REXO5: variants seen among roughly 807,000 people sequenced by gnomAD.
REXO5 encodes the protein exonuclease NEF-sp.
REXO5 carries 48 observed loss-of-function variants against 88.5 expected under a neutral mutation model. The ratio of observed to expected loss-of-function variants is 0.54; its 90% CI spans 0.43 to 0.69. The LOEUF (loss-of-function observed/expected upper bound fraction) is 0.69. Among genes scored for constraint, REXO5 ranks in the 30% least tolerant of loss-of-function variants. The pLI is 0.00. For missense variants in REXO5, 749 were observed against 912.2 expected (o/e 0.82, Z 2.30); for synonymous variants, 311 against 336.5 (o/e 0.92, Z 0.83).
rs2081497205 is a variant in REXO5, at chr16:20,839,778, A to C, written c.1407A>C (p.Glu469Asp). ...NKEVLEQARV[E>D]IPLFPFSIVQ... is the part of the protein sequence containing the mutation. ...AGGTTCTTGAGCAGGCCAGAGTGGA[A>C]ATCCCCCTGTTTCCCTTCAGCATTG... is the stretch of plus-strand genomic sequence containing the variant. Residue 469 changes from glutamate to aspartate, a missense_variant, in exon 14 of 20, where the codon GAA becomes GAC. Glu to Asp is a conservative substitution (Grantham distance 45). Transcript: ENST00000261377. 1.9e-6 allele frequency: 3 copies of C among 1,613,788 alleles called. No individual in the cohort carries two copies. The highest frequency in any genetic ancestry group is 2.5e-6 in the Non-Finnish European group (3 of 1,179,836).
intron 5 of REXO5, among the ~76,000 whole-genome samples, chr16:20,818,083 T>C (rs1596574204): frequency 6.6e-6 from 1 of 152,228 alleles, no homozygotes; most frequent in African/African-American, 2.4e-5. Context: ...CCTTTGCTCC[T>C]ATAAATCTCT....
chr16:20,809,373 A>G (rs2152498979), intron 2 of REXO5, among the ~76,000 whole-genome samples: 1 of 152,330 alleles, frequency 6.6e-6, no homozygotes, highest in Non-Finnish European at 1.5e-5. Flanking sequence ...AATTTTCTGT[A>G]GTTGTTTGAA....
chr16:20,807,025 G>T lies in REXO5; in HGVS notation c.72G>T (p.Lys24Asn). ...GGGAAAGCAGGCAGGCCCCAAATAA[G>T]CTGGTCGGGGCAGCTGAGGCGATGA... ...KVRESRQAPN[K>N]LVGAAEAMKA... is the part of the protein sequence containing the mutation. The change falls in exon 2 of 20, where the codon AAG becomes AAT. Residue 24 changes from lysine to asparagine, a missense_variant. Lys to Asn is a moderately conservative substitution (Grantham distance 94). Transcript: ENST00000261377. 1 of 1,603,112 alleles carries T rather than the reference G, an allele frequency of 6.2e-7. No individual in the cohort carries two copies. The highest frequency in any genetic ancestry group is 8.5e-7 in the Non-Finnish European group (1 of 1,175,392).
chr16:20,815,131 C>T, intron 4 of REXO5, 78 bp downstream of exon 4: 2 of 1,460,472 alleles, frequency 1.4e-6, no homozygotes, highest in East Asian at 4.8e-5. Flanking sequence ...AGGGACCATG[C>T]TCCTTGGCAA....
chr16:20,844,581 G>A (rs545022443), intron 16 of REXO5, 48 bp from the exon 17 acceptor site: 3 of 1,548,364 alleles, frequency 1.9e-6, no homozygotes, highest in South Asian at 2.2e-5. Flanking sequence ...CAATAGGCCT[G>A]AGGATTAAAT....
chr16:20,841,657 T>G (rs537651914), intron 15 of REXO5, among the ~76,000 whole-genome samples: 1 of 152,302 alleles, frequency 6.6e-6, no homozygotes, highest in African/African-American at 2.4e-5. Flanking sequence ...CAGGCTGCAG[T>G]GCAGTGGTGC....
At chr16:20,825,789 TA>T in intron 7 of REXO5, 43 bp from the exon 8 acceptor site, 3 of 1,368,310 alleles carry the variant, frequency 2.2e-6, no homozygotes, top group South Asian at 1.2e-5. Context: ...GAAGAAGCAA[TA>T]ACTTCCACAG....
intron 15 of REXO5, 57 bp from the exon 16 acceptor site, chr16:20,843,877 C>T (rs1213255500): frequency 7.8e-7 from 1 of 1,278,066 alleles, no homozygotes; most frequent in East Asian, 2.4e-5. Context: ...TCCCCAACCC[C>T]TTCTTTAGCA....
intron 13 of REXO5, among the ~76,000 whole-genome samples, chr16:20,839,478 A>G (rs989596894): frequency 2.0e-5 from 3 of 151,910 alleles, no homozygotes; most frequent in East Asian, 1.9e-4. Context: ...TTATTTAATT[A>G]CAGGTCATTT....
intron 13 of REXO5, 54 bp from the exon 14 acceptor site, chr16:20,839,701 G>A: frequency 8.5e-7 from 1 of 1,183,366 alleles, no homozygotes; most frequent in Non-Finnish European, 1.2e-6. Context: ...ATATCCAGGA[G>A]CCACAATAGA....
At position 20,824,534 on chromosome 16, in the gene REXO5, AC is replaced by A. The variant is rs1257735295; in HGVS notation, c.705+8del. 1 of 1,570,022 alleles carries A rather than the reference AC, an allele frequency of 6.4e-7. No homozygotes were observed. The highest frequency in any genetic ancestry group is 1.4e-5 in the African/African-American group (1 of 74,028). ...TGGACTTGACTGTGAAATGGCACGT[AC>A]TACTTTTAATTTTTCAATTGGAGTG... On this transcript the variant is annotated splice_region_variant and intron_variant, in intron 7 of 19. Coordinates refer to ENST00000261377, the MANE Select transcript of REXO5 (RefSeq NM_030941.3).
rs543882383 is a variant in REXO5, at chr16:20,827,403, G to A, written c.1011G>A (p.Gln337=). 1.5e-5 allele frequency: 25 copies of A among 1,613,592 alleles called. No homozygotes were observed. In the African/African-American group the frequency reaches 1.9e-4, roughly 12 times the overall value. Residue 337 remains glutamine (Q), a synonymous_variant, in exon 10 of 20, where the codon CAG becomes CAA. Transcript: ENST00000261377. ...IDTSLLYVRE[Q]GRRFKLKFLA... ...CATCGTTGCTTTATGTCAGAGAGCA[G>A]GGCAGAAGATTTAAGCTCAAGTTCT...
At position 20,821,903 on chromosome 16, in the gene REXO5, G is replaced by A. The variant is rs780275425; in HGVS notation, c.616+1G>A. On this transcript the variant is annotated splice_donor_variant, in intron 6 of 19. Coordinates refer to ENST00000261377, the MANE Select transcript of REXO5 (RefSeq NM_030941.3). LOFTEE classifies it high-confidence loss of function. The stretch of plus-strand genomic sequence containing the variant: ...AGAACGTTTCACTTTCCATTACAAG[G>A]TTGGCTTAGGCTTACTCTGATATTG... 6.3e-7 allele frequency: 1 copy of A among 1,575,820 alleles called. No individual in the cohort carries two copies. The highest frequency in any genetic ancestry group is 1.4e-5 in the African/African-American group (1 of 73,098).
At position 20,813,467 on chromosome 16, in the gene REXO5, A is replaced by G. The variant is rs142770002; in HGVS notation, c.251+165A>G. ...TCCTGAATTTTTTATGATGGCTGCC[A>G]AGTGTTAATTCTGGAAATTCCTATA... On this transcript the variant is annotated intron_variant, in intron 3 of 19. Transcript: ENST00000261377. 5.9e-5 allele frequency among the ~76,000 whole-genome samples: 9 copies of G among 151,710 alleles called. No homozygotes were observed. In the East Asian group the frequency reaches 1.7e-3, roughly 29 times the overall value.
chr16:20,840,467 A>G lies in REXO5; in HGVS notation c.1625A>G (p.Gln542Arg). The change falls in exon 15 of 20, where the codon CAG becomes CGG. Residue 542 changes from glutamine (Q) to arginine (R), a missense_variant and splice_region_variant. Gln to Arg is a conservative substitution (Grantham distance 43). Coordinates refer to ENST00000261377, the MANE Select transcript of REXO5 (RefSeq NM_030941.3). ...QSMTFVLETR[Q>R]PHLCIQYEVL... ...ATGACTTTTGTTCTTGAAACCCGTC[A>G]GGTAAGACCGGAAAATTCAGATTTC... The G allele has an allele frequency of 6.5e-7, 1 of 1,545,272 alleles. No homozygotes were observed. Among genetic ancestry groups the G allele is most frequent in the Admixed American group, 1.8e-5 (1 of 56,324 alleles).
intron 9 of REXO5, 27 bp from the exon 10 acceptor site, chr16:20,827,326 A>G: frequency 6.2e-7 from 1 of 1,602,818 alleles, no homozygotes; most frequent in Non-Finnish European, 8.5e-7. Flanking sequence ...ATAAGACACT[A>G]CTCATTTTAT....
intron 5 of REXO5, among the ~76,000 whole-genome samples, chr16:20,816,952 G>C (rs1355299646): frequency 6.6e-6 from 1 of 152,214 alleles, no homozygotes; most frequent in Non-Finnish European, 1.5e-5. Context: ...ATTCATGATA[G>C]CAGTGTGTTT....
chr16:20,827,271 G>A (rs374083736), intron 9 of REXO5, 75 bp downstream of exon 9: 2 of 1,605,870 alleles, frequency 1.2e-6, no homozygotes. Flanking sequence ...AAAGTCTTGG[G>A]CTCTTCTCTC....
At chr16:20,826,018 C>T in intron 8 of REXO5, 70 bp downstream of exon 8, 1 of 954,588 alleles carries the variant, frequency 1.0e-6, no homozygotes, top group Non-Finnish European at 1.6e-6. Context: ...TTAAGAATGG[C>T]CCACAGCTTC....
Sources: allele counts gnomAD v4.1 joint callset (sites outside exome capture counted in the v4.1 genomes callset), GRCh38; gene constraint gnomAD v4.1.1; transcripts MANE v1.5; gene names NCBI Gene and HGNC (gene_info 2026-07-23, HGNC 2026-07-21).